The following KIAA1549 variants were observed in gnomAD, a reference collection of about 807,000 sequenced individuals.
KIAA1549 encodes KIAA1549.
In KIAA1549, 70 loss-of-function variants were observed where a neutral mutation model predicts 156.4. That is an observed-to-expected ratio of 0.45 (90% CI 0.37 to 0.55). The LOEUF is 0.55. Ranked by LOEUF, KIAA1549 falls within the 20% of genes least tolerant of loss-of-function variation. KIAA1549 has a pLI of 0.00. For missense variants in KIAA1549, 2,428 were observed against 2,540.9 expected (o/e 0.96, Z 0.96); for synonymous variants, 1,103 against 1,066.4 (o/e 1.03, Z -0.67).
intron 1 of KIAA1549, among the ~76,000 whole-genome samples, chr7:138,941,605 C>T (rs1418400694): frequency 3.9e-5 from 6 of 152,210 alleles, no homozygotes; most frequent in African/African-American, 1.2e-4. Context: ...AATACCTGTG[C>T]GACAGAAGAA....
At chr7:138,968,943 A>G (rs1245815624) in intron 1 of KIAA1549, among the ~76,000 whole-genome samples, 1 of 144,792 alleles carries the variant, frequency 6.9e-6, no homozygotes, top group Non-Finnish European at 1.5e-5. Flanking sequence ...TTTTAACTTT[A>G]TTTTAGGTTT....
chr7:138,874,804 G>C (rs925893896), intron 12 of KIAA1549, among the ~76,000 whole-genome samples: 1 of 151,862 alleles, frequency 6.6e-6, no homozygotes, highest in African/African-American at 2.4e-5. Flanking sequence ...AGGAGTTCTA[G>C]ACCAGCCTAG....
rs760600723 is a variant in KIAA1549, at chr7:138,918,358, G to C, written c.1268C>G (p.Ala423Gly). The stretch of plus-strand genomic sequence containing the variant: ...TTGCTGAGGTGAAGGCACAGTGCAG[G>C]CCGCACACCAAGTGTATGGTCTGAA... ...SSFRPYTWCA[A>G]CTVPSPQQVL... Residue 423 changes from alanine to glycine, a missense_variant, in exon 2 of 20, where the codon GCC becomes GGC. Coordinates refer to ENST00000422774, the MANE Select transcript of KIAA1549 (RefSeq NM_001164665.2). This position sits in a 1 kb window ranked among gnomAD's most constrained non-coding sequence, Gnocchi z 4.2. The C allele has an allele frequency of 2.5e-6, 4 of 1,613,842 alleles. No homozygotes were observed. The East Asian group carries it at 8.9e-5, about 36-fold the overall frequency.
At chr7:138,939,834 T>G (rs891585711) in intron 1 of KIAA1549, among the ~76,000 whole-genome samples, 11 of 152,196 alleles carry the variant, frequency 7.2e-5, no homozygotes, top group Admixed American at 5.9e-4. Flanking sequence ...GAGGTTGGGT[T>G]TTTTAAGCCT....
intron 1 of KIAA1549, among the ~76,000 whole-genome samples, chr7:138,963,652 G>A (rs764365998): frequency 9.9e-5 from 15 of 152,196 alleles, no homozygotes; most frequent in Non-Finnish European, 1.9e-4. Flanking sequence ...TAAAACAAAC[G>A]AAGTAGGACA....
chr7:138,959,079 T>C (rs962241716), intron 1 of KIAA1549, among the ~76,000 whole-genome samples: 2 of 152,146 alleles, frequency 1.3e-5, no homozygotes, highest in Admixed American at 1.3e-4. Context: ...TTTATATTTT[T>C]AATAGAGACG....
Position 138,911,152 on chromosome 7 carries a change from G to C in KIAA1549, c.3139C>G (p.Gln1047Glu). 6.3e-7 allele frequency: 1 copy of C among 1,583,388 alleles called. No individual in the cohort carries two copies. The highest frequency in any genetic ancestry group is 8.6e-7 in the Non-Finnish European group (1 of 1,165,994). The change falls in exon 4 of 20, where the codon CAA becomes GAA. Residue 1047 changes from glutamine to glutamate, a missense_variant. Gln to Glu is a conservative substitution (Grantham distance 29). Around this residue, in one of 5 missense-constraint regions of KIAA1549, gnomAD observed 762 missense variants for 901.6 expected, o/e 0.85. Coordinates refer to ENST00000422774, the MANE Select transcript of KIAA1549 (RefSeq NM_001164665.2). ...CTATGCTGAGCTGTCTCACCTGTTT[G>C]AACTTGGAACCTGGACTCTGGCACA... is the stretch of plus-strand genomic sequence containing the variant. ...FLVPESRFQV[Q>E]TVLQFVPPSV... is the part of the protein sequence containing the mutation.
intron 16 of KIAA1549, among the ~76,000 whole-genome samples, chr7:138,853,688 T>C (rs922669432): frequency 6.6e-6 from 1 of 152,140 alleles, no homozygotes; most frequent in African/African-American, 2.4e-5. Context: ...TGTGGAACCT[T>C]GTGGAGTTCC....
rs1348524955 is a variant in KIAA1549, at chr7:138,833,959, C to G, written c.*3947G>C. 4.3e-6 allele frequency: 1 copy of G among 231,170 alleles called. No homozygotes were observed. Among genetic ancestry groups the G allele is most frequent in the South Asian group, 1.8e-4 (1 of 5,504 alleles). The allele number at this position is 231,170 out of a possible 1,614,324, so 14.3% of individuals were successfully genotyped here. On this transcript the variant is annotated 3_prime_UTR_variant, in exon 20 of 20. Coordinates refer to ENST00000422774, the MANE Select transcript of KIAA1549 (RefSeq NM_001164665.2). ...ATTCTGTCCCCATATCAAAGCAGATCAAGATCAAGTTCATTTCAGTGACAG... is the reference window on the plus strand; with the variant it reads ...ATTCTGTCCCCATATCAAAGCAGATGAAGATCAAGTTCATTTCAGTGACAG...
chr7:138,976,634 G>C (rs1213586722), intron 1 of KIAA1549, among the ~76,000 whole-genome samples: 1 of 152,044 alleles, frequency 6.6e-6, no homozygotes, highest in Non-Finnish European at 1.5e-5. Context: ...GTACATATAG[G>C]AAAAAACCAT....
rs1814531163 is a variant in KIAA1549, at chr7:138,981,065, G to C, written c.187+18C>G. 9 of 1,224,730 alleles carry C rather than the reference G, an allele frequency of 7.3e-6. No homozygotes were observed. In the South Asian group the frequency reaches 3.7e-4, roughly 50 times the overall value. 75.9% of individuals were successfully genotyped at this position (1,224,730 alleles called of 1,614,324 possible). A position where few individuals can be genotyped will look rare whatever the true frequency, so the allele number is the denominator to read the frequency against. On this transcript the variant is annotated intron_variant, in intron 1 of 19. Transcript: ENST00000422774. The surrounding 1 kb of genome is among the most constrained non-coding windows in gnomAD (Gnocchi z 4.5). ...GGCGGGGTCGCGGCCGCGTTCCGAG[G>C]GTCTCGGCGGAGCTTACCTGGGGCG...
chr7:138,888,261 G>A (rs1004474500), intron 10 of KIAA1549, among the ~76,000 whole-genome samples: 3 of 152,190 alleles, frequency 2.0e-5, no homozygotes, highest in Non-Finnish European at 2.9e-5. Flanking sequence ...GTTTACTTCC[G>A]AAAGATCAAA....
intron 1 of KIAA1549, among the ~76,000 whole-genome samples, chr7:138,962,219 C>A (rs1813876046): frequency 6.6e-6 from 1 of 152,192 alleles, no homozygotes; most frequent in Non-Finnish European, 1.5e-5. Context: ...ATTTTAGTTA[C>A]CTATTATTAT....
At chr7:138,967,727 T>C (rs1480112448) in intron 1 of KIAA1549, among the ~76,000 whole-genome samples, 2 of 151,914 alleles carry the variant, frequency 1.3e-5, no homozygotes, top group East Asian at 3.9e-4. Flanking sequence ...GCAAGGATGC[T>C]GAGGTGAGGT....
intron 1 of KIAA1549, among the ~76,000 whole-genome samples, chr7:138,972,944 C>T (rs1243296923): frequency 6.6e-6 from 1 of 152,140 alleles, no homozygotes; most frequent in East Asian, 1.9e-4. Context: ...GCCTCAGCCC[C>T]CCGAATAGCT....
At chr7:138,895,251 G>A (rs1332426421) in intron 9 of KIAA1549, among the ~76,000 whole-genome samples, 1 of 152,212 alleles carries the variant, frequency 6.6e-6, no homozygotes, top group African/African-American at 2.4e-5. Flanking sequence ...AAGCAAAACA[G>A]AGTAAGGAGA....
intron 11 of KIAA1549, 147 bp downstream of exon 11, chr7:138,881,241 C>G (rs6968792): frequency 0.41 from 283,030 of 697,124 alleles, 61,064 homozygotes; most frequent in African/African-American, 0.65. Context: ...TCTTGGGCTC[C>G]TGTGTGACTT....
rs1216602643 is a variant in KIAA1549, at chr7:138,911,274, A to G, written c.3017T>C (p.Phe1006Ser). Residue 1006 changes from phenylalanine (F) to serine (S), a missense_variant, in exon 4 of 20, where the codon TTC becomes TCC. By Grantham distance (155) the Phe-to-Ser change is radical. This residue lies in a region of KIAA1549 where 762 missense variants were observed against 901.6 expected (regional missense o/e 0.85). Coordinates refer to ENST00000422774, the MANE Select transcript of KIAA1549 (RefSeq NM_001164665.2). ...TATGACGGATATTGCCGTGTAAACG[A>G]AAGGACCGGATGTTACCAGAAAAGT... ...DFTFLVTSGPFVYTAISVINV... is the reference protein window; with the variant it reads ...DFTFLVTSGPSVYTAISVINV... 1 of 1,603,774 alleles carries G rather than the reference A, an allele frequency of 6.2e-7. No homozygotes were observed. Among genetic ancestry groups the G allele is most frequent in the East Asian group, 2.2e-5 (1 of 44,706 alleles).
At chr7:138,913,038 C>T (rs971945980) in intron 2 of KIAA1549, among the ~76,000 whole-genome samples, 1 of 152,152 alleles carries the variant, frequency 6.6e-6, no homozygotes, top group Non-Finnish European at 1.5e-5. Flanking sequence ...CCACGCCCGG[C>T]TAATTTTTTG....
Sources: allele counts gnomAD v4.1 joint callset (sites outside exome capture counted in the v4.1 genomes callset), GRCh38; gene constraint gnomAD v4.1.1; regional missense constraint gnomAD v4.1.1; non-coding constraint Gnocchi (gnomAD v3.1); transcripts MANE v1.5; gene names NCBI Gene and HGNC (gene_info 2026-07-23, HGNC 2026-07-21).